Variants in DCBLD2 observed in about 807,000 individuals in gnomAD.
DCBLD2 encodes discoidin, CUB and LCCL domain-containing protein 2.
Under a neutral mutation model 86.8 loss-of-function variants are expected in DCBLD2, and 54 were observed. The observed-to-expected ratio is 0.62, with a 90% CI of 0.50 to 0.78. DCBLD2 has a LOEUF of 0.78. DCBLD2 is among the 30% of genes least tolerant of loss of function. The probability of loss-of-function intolerance (pLI) is 0.00; values close to 1 mark genes in which losing one functional copy is unlikely to be tolerated. For synonymous variants in DCBLD2, 354 were observed against 341.3 expected (o/e 1.04, Z -0.41); for missense variants, 908 against 954.2 (o/e 0.95, Z 0.64).
At chr3:98,818,305 CTAAAT>C (rs1234426333) in intron 8 of DCBLD2, among the ~76,000 whole-genome samples, 11 of 152,136 alleles carry the variant, frequency 7.2e-5, no homozygotes. Context: ...CTAAGTTCCC[CTAAAT>C]TAAATTTATA....
At chr3:98,810,480 C>T (rs962726456) in intron 12 of DCBLD2, among the ~76,000 whole-genome samples, 1 of 152,188 alleles carries the variant, frequency 6.6e-6, no homozygotes, top group Non-Finnish European at 1.5e-5. Flanking sequence ...TCTCTCTCTG[C>T]ACTTTCCTGA....
chr3:98,874,057 C>A (rs1046362097), intron 2 of DCBLD2, among the ~76,000 whole-genome samples: 3 of 152,144 alleles, frequency 2.0e-5, no homozygotes, highest in Non-Finnish European at 4.4e-5. Context: ...AGGTAGAAAG[C>A]TCAAACAGAC....
chr3:98,872,829 T>C (rs919876132), intron 2 of DCBLD2, among the ~76,000 whole-genome samples: 6 of 151,756 alleles, frequency 4.0e-5, no homozygotes, highest in African/African-American at 1.5e-4. Context: ...ACAACAAATA[T>C]AATATACATA....
intron 9 of DCBLD2, among the ~76,000 whole-genome samples, chr3:98,817,090 G>A (rs1942035637): frequency 6.6e-6 from 1 of 152,182 alleles, no homozygotes; most frequent in Admixed American, 6.5e-5. Flanking sequence ...ACTGATGGGA[G>A]ACATCTATCT....
rs1480407637 is a variant in DCBLD2 at position 98,804,386 on chromosome 3, G to A, written c.1671-2737C>T. Among the ~76,000 whole-genome samples, 8 of 152,192 alleles carry A rather than the reference G, an allele frequency of 5.3e-5. No individual in the cohort carries two copies. In the South Asian group the frequency reaches 1.7e-3, roughly 32 times the overall value. Reference sequence around the variant, plus strand: ...TAGTTTGTATTTCTGTGGGATCGGTGGTGATATCCCCTTTATCATTTTTTA... The same window carrying A: ...TAGTTTGTATTTCTGTGGGATCGGTAGTGATATCCCCTTTATCATTTTTTA... On this transcript the variant is annotated intron_variant, in intron 13 of 15. Transcript: ENST00000326840.
chr3:98,857,025 C>G (rs865888935), intron 2 of DCBLD2, among the ~76,000 whole-genome samples: 1 of 152,172 alleles, frequency 6.6e-6, no homozygotes, highest in Non-Finnish European at 1.5e-5. Flanking sequence ...GTGAGTGTTA[C>G]GGTTCTTAAA....
At chr3:98,832,573 A>C (rs1329914904) in intron 3 of DCBLD2, among the ~76,000 whole-genome samples, 2 of 152,086 alleles carry the variant, frequency 1.3e-5, no homozygotes, top group South Asian at 2.1e-4. Flanking sequence ...GTGGTGTTTT[A>C]ATGGTTTTTC....
intron 2 of DCBLD2, among the ~76,000 whole-genome samples, chr3:98,856,095 A>C (rs1399240730): frequency 6.6e-6 from 1 of 152,164 alleles, no homozygotes; most frequent in East Asian, 1.9e-4. Context: ...ATATCAAGAA[A>C]TTTCTTTAAA....
chr3:98,831,943 A>G (rs1942331454), intron 3 of DCBLD2, among the ~76,000 whole-genome samples: 1 of 152,122 alleles, frequency 6.6e-6, no homozygotes, highest in Non-Finnish European at 1.5e-5. Flanking sequence ...AGTTCTGTAG[A>G]GGTCTATTAG....
intron 2 of DCBLD2, among the ~76,000 whole-genome samples, chr3:98,867,803 TTTTG>T (rs1943182626): frequency 1.3e-5 from 2 of 149,806 alleles, no homozygotes; most frequent in Non-Finnish European, 3.0e-5. Context: ...TTTTGTTGTT[TTTTG>T]TTTTTTTTTT....
intron 1 of DCBLD2, among the ~76,000 whole-genome samples, chr3:98,886,802 C>CCCA (rs1553734171): frequency 7.8e-6 from 1 of 128,476 alleles, no homozygotes; most frequent in Admixed American, 7.9e-5. Flanking sequence ...ACAGGAAAAC[C>CCCA]CCCCCCCTTT....
intron 2 of DCBLD2, among the ~76,000 whole-genome samples, chr3:98,851,914 C>T (rs937180348): frequency 6.6e-6 from 1 of 152,182 alleles, no homozygotes. Context: ...CCCTTCCTTA[C>T]ACCTTATACA....
chr3:98,891,130 G>A (rs557545486), intron 1 of DCBLD2, among the ~76,000 whole-genome samples: 4 of 151,754 alleles, frequency 2.6e-5, no homozygotes, highest in African/African-American at 9.7e-5. Flanking sequence ...GGGAAGTAAT[G>A]AGTGCTTCAG....
intron 1 of DCBLD2, 52 bp from the exon 2 acceptor site, chr3:98,881,819 T>C (rs776229118): frequency 1.1e-4 from 171 of 1,529,934 alleles, no homozygotes; most frequent in Non-Finnish European, 1.5e-4. Flanking sequence ...TTTTACTTCC[T>C]CTATAATGAT....
chr3:98,841,346 GAT>G (rs1189064606), intron 3 of DCBLD2, among the ~76,000 whole-genome samples: 3 of 152,100 alleles, frequency 2.0e-5, no homozygotes, highest in Non-Finnish European at 4.4e-5. Context: ...TGCCATAACT[GAT>G]ATATACATTT....
intron 9 of DCBLD2, among the ~76,000 whole-genome samples, chr3:98,817,228 C>T (rs1038372169): frequency 2.6e-5 from 4 of 152,100 alleles, no homozygotes; most frequent in Non-Finnish European, 2.9e-5. Flanking sequence ...TAAATTGTTG[C>T]TAACTAAAAC....
intron 1 of DCBLD2, among the ~76,000 whole-genome samples, chr3:98,888,308 C>T (rs1459945488): frequency 6.6e-6 from 1 of 151,892 alleles, no homozygotes; most frequent in African/African-American, 2.4e-5. Flanking sequence ...TGATAATCTA[C>T]AAAACTGAAT....
chr3:98,875,561 C>T (rs964761513), intron 2 of DCBLD2, among the ~76,000 whole-genome samples: 6 of 152,254 alleles, frequency 3.9e-5, no homozygotes, highest in African/African-American at 1.4e-4. Context: ...CTAAACTTCA[C>T]ATGGATAAAC....
chr3:98,828,929 T>C (rs1942273383), intron 3 of DCBLD2, among the ~76,000 whole-genome samples: 2 of 152,226 alleles, frequency 1.3e-5, no homozygotes, highest in African/African-American at 4.8e-5. Context: ...TACTATGTGA[T>C]ACATTTATAT....
Sources: allele counts gnomAD v4.1 joint callset (sites outside exome capture counted in the v4.1 genomes callset), GRCh38; gene constraint gnomAD v4.1.1; transcripts MANE v1.5; gene names NCBI Gene and HGNC (gene_info 2026-07-23, HGNC 2026-07-21).